ITPR2: variants seen among roughly 807,000 people sequenced by gnomAD.
ITPR2 encodes inositol 1,4,5-trisphosphate-gated calcium channel ITPR2.
In ITPR2, 207 loss-of-function variants were observed where a neutral mutation model predicts 317.1. The observed-to-expected ratio is 0.65, with a 90% CI of 0.58 to 0.73. ITPR2 has a LOEUF of 0.73. Among genes scored for constraint, ITPR2 ranks in the 30% least tolerant of loss-of-function variants. The pLI is 0.00. For synonymous variants in ITPR2, 1,156 were observed against 1,149.1 expected (o/e 1.01, Z -0.12); for missense variants, 2,613 against 3,284.0 (o/e 0.80, Z 4.99).
chr12:26,640,866 C>T (rs1263002639), intron 21 of ITPR2, among the ~76,000 whole-genome samples: 2 of 152,146 alleles, frequency 1.3e-5, no homozygotes, highest in Non-Finnish European at 2.9e-5. Context: ...ATATGAGTAG[C>T]TCACAGAAAG....
At chr12:26,574,445 C>A (rs1282941667) in intron 34 of ITPR2, among the ~76,000 whole-genome samples, 1 of 152,150 alleles carries the variant, frequency 6.6e-6, no homozygotes, top group Non-Finnish European at 1.5e-5. Flanking sequence ...ACAGTCTAAT[C>A]ATCATTAAGC....
At chr12:26,579,735 G>A (rs1015242477) in intron 33 of ITPR2, among the ~76,000 whole-genome samples, 2 of 152,178 alleles carry the variant, frequency 1.3e-5, no homozygotes, top group African/African-American at 4.8e-5. Flanking sequence ...GGGGCAAAAT[G>A]TCTATCATTT....
At chr12:26,670,239 T>A (rs1947731509) in intron 13 of ITPR2, among the ~76,000 whole-genome samples, 1 of 152,218 alleles carries the variant, frequency 6.6e-6, no homozygotes, top group South Asian at 2.1e-4. Flanking sequence ...ACGGGCAGAC[T>A]GCCTCCTCAA....
At chr12:26,568,238 C>T (rs1178580310) in intron 34 of ITPR2, among the ~76,000 whole-genome samples, 1 of 150,954 alleles carries the variant, frequency 6.6e-6, no homozygotes, top group Non-Finnish European at 1.5e-5. Context: ...TAGTTCACTT[C>T]TAAGTTGGAA....
At chr12:26,484,138 T>G (rs1252663815) in intron 41 of ITPR2, among the ~76,000 whole-genome samples, 1 of 151,228 alleles carries the variant, frequency 6.6e-6, no homozygotes, top group Non-Finnish European at 1.5e-5. Flanking sequence ...TGTGTATATG[T>G]GTGTATATAT....
chr12:26,412,649 G>A (rs1327088578), intron 51 of ITPR2, among the ~76,000 whole-genome samples: 8 of 152,118 alleles, frequency 5.3e-5, no homozygotes, highest in Admixed American at 4.6e-4. Context: ...ATACATTAGA[G>A]GAGGAAGAAG....
At chr12:26,763,199 G>A (rs1949666161) in intron 2 of ITPR2, among the ~76,000 whole-genome samples, 1 of 151,948 alleles carries the variant, frequency 6.6e-6, no homozygotes, top group African/African-American at 2.4e-5. Flanking sequence ...AATTCATAAT[G>A]TATACATATA....
In ITPR2 at chr12:26,667,947, C is replaced by T. The variant is rs151224960; in HGVS notation, c.1410-1896G>A. Among the ~76,000 whole-genome samples the T allele has an allele frequency of 3.3e-5, 5 of 152,316 alleles. No homozygotes were observed. The East Asian group carries it at 9.6e-4, about 29-fold the overall frequency. ...ATGTCAACCCTACATGTAAAGCCCA[C>T]CTCTTCATGACAAGGCCATGGAAGC... On this transcript the variant is annotated intron_variant, in intron 13 of 56. Coordinates refer to ENST00000381340, the MANE Select transcript of ITPR2 (RefSeq NM_002223.4).
rs1343558035 is a variant in ITPR2 at position 26,831,802 on chromosome 12, C to T, written c.92+888G>A. Among the ~76,000 whole-genome samples the T allele has an allele frequency of 7.3e-6, 1 of 137,216 alleles. No individual in the cohort carries two copies. The highest frequency in any genetic ancestry group is 1.5e-5 in the Non-Finnish European group (1 of 64,966). The allele number at this position is 137,216 out of a possible 152,430, so 90.0% of individuals were successfully genotyped here. A position where few individuals can be genotyped will look rare whatever the true frequency, so the allele number is the denominator to read the frequency against. On this transcript the variant is annotated intron_variant, in intron 1 of 56. Coordinates refer to ENST00000381340, the MANE Select transcript of ITPR2 (RefSeq NM_002223.4). The surrounding 1 kb of genome is among the most constrained non-coding windows in gnomAD (Gnocchi z 4.9). ...ATAAAATATATAAATATATATTATA[C>T]ATAAAATATATAAATATATATTATA...
chr12:26,587,691 C>T (rs191391329), intron 32 of ITPR2, among the ~76,000 whole-genome samples: 24 of 152,268 alleles, frequency 1.6e-4, no homozygotes, highest in African/African-American at 4.8e-4. Context: ...AGAGGAGTGA[C>T]GATCATCTTC....
intron 34 of ITPR2, among the ~76,000 whole-genome samples, chr12:26,563,877 G>A (rs548397333): frequency 1.3e-5 from 2 of 152,154 alleles, no homozygotes; most frequent in Non-Finnish European, 2.9e-5. Context: ...CAGTCATTAC[G>A]GACTTTCCTA....
At chr12:26,720,543 A>G (rs1384129109) in intron 5 of ITPR2, among the ~76,000 whole-genome samples, 2 of 152,214 alleles carry the variant, frequency 1.3e-5, no homozygotes, top group Non-Finnish European at 2.9e-5. Context: ...TGACCAATAT[A>G]GGGTTGTGGG....
At chr12:26,620,791 A>T (rs1177332382) in intron 26 of ITPR2, among the ~76,000 whole-genome samples, 1 of 151,820 alleles carries the variant, frequency 6.6e-6, no homozygotes, top group Non-Finnish European at 1.5e-5. Flanking sequence ...ACAAAAATTC[A>T]CCTCTCCCTA....
chr12:26,539,724 G>A (rs1320315603), intron 37 of ITPR2, among the ~76,000 whole-genome samples: 3 of 152,326 alleles, frequency 2.0e-5, no homozygotes, highest in South Asian at 2.1e-4. Context: ...TGCCTTCTGC[G>A]AGACGTCTTC....
intron 45 of ITPR2, among the ~76,000 whole-genome samples, chr12:26,462,855 A>G (rs536526365): frequency 6.6e-6 from 1 of 151,754 alleles, no homozygotes; most frequent in East Asian, 1.9e-4. Flanking sequence ...TATATTTAGT[A>G]GAGATGGGGT....
At position 26,720,508 on chromosome 12, in the gene ITPR2, G is replaced by A. The variant is rs115293053; in HGVS notation, c.525+1889C>T. Among the ~76,000 whole-genome samples, 1,083 of 152,226 alleles carry A rather than the reference G, an allele frequency of 7.1e-3. 15 individuals are homozygous for A. Among genetic ancestry groups the A allele is most frequent in the African/African-American group, 0.025 (1,029 of 41,542 alleles). On this transcript the variant is annotated intron_variant, in intron 5 of 56. Transcript: ENST00000381340. ...CGCTACCTATTTTAGGGAAAAAAAC[G>A]AGTATTACAATACAATTATTTATGT...
intron 34 of ITPR2, among the ~76,000 whole-genome samples, chr12:26,562,919 A>C (rs976958817): frequency 1.8e-5 from 2 of 110,170 alleles, no homozygotes; most frequent in African/African-American, 5.3e-5. Context: ...AGTATAATTA[A>C]AAAAAAAAAG....
rs1329662395 is a variant in ITPR2, at chr12:26,355,010, G to T, written c.7858-14682C>A. Among the ~76,000 whole-genome samples the T allele has an allele frequency of 2.6e-5, 4 of 152,116 alleles. No individual in the cohort carries two copies. In the East Asian group the frequency reaches 7.7e-4, roughly 29 times the overall value. On this transcript the variant is annotated intron_variant, in intron 55 of 56. Coordinates refer to ENST00000381340, the MANE Select transcript of ITPR2 (RefSeq NM_002223.4). Reference sequence around the variant, plus strand: ...GTCTTCCCTAGATCACCTGGGAAATGGTTAGAAATACAAATTTTTAGGCCT... The same window carrying T: ...GTCTTCCCTAGATCACCTGGGAAATTGTTAGAAATACAAATTTTTAGGCCT...
chr12:26,553,693 G>T (rs1296312536), intron 36 of ITPR2, among the ~76,000 whole-genome samples: 1 of 151,914 alleles, frequency 6.6e-6, no homozygotes, highest in African/African-American at 2.4e-5. Flanking sequence ...GCTGAGGCAG[G>T]ATAATGGCGT....
Sources: gnomAD v4.1 joint callset for allele counts (sites outside exome capture counted in the v4.1 genomes callset) on GRCh38, gnomAD v4.1.1 for gene constraint, Gnocchi (gnomAD v3.1) non-coding constraint, MANE v1.5 for transcripts, NCBI Gene and HGNC (gene_info 2026-07-23, HGNC 2026-07-21) for gene names.